Variants in PIBF1 observed in about 807,000 individuals in gnomAD.
The protein encoded by PIBF1 is progesterone immunomodulatory binding factor 1.
PIBF1 carries 90 observed loss-of-function variants against 112.5 expected under a neutral mutation model. That is an observed-to-expected ratio of 0.80 (90% CI 0.67 to 0.95). PIBF1 has a LOEUF of 0.95. PIBF1 is among the 40% of genes least tolerant of loss of function. The probability of loss-of-function intolerance (pLI) is 0.00; values close to 1 mark genes in which losing one functional copy is unlikely to be tolerated. For missense variants in PIBF1, 915 were observed against 852.3 expected, an observed-to-expected ratio of 1.07 and a Z score of -0.92; for synonymous variants, 301 against 288.6, an observed-to-expected ratio of 1.04 and a Z score of -0.44.
intron 10 of PIBF1, among the ~76,000 whole-genome samples, chr13:72,888,775 A>T (rs375185084): frequency 3.0e-5 from 3 of 100,732 alleles, no homozygotes; most frequent in African/African-American, 8.6e-5. Context: ...CCATTTGTTT[A>T]AAAAAAAAAA....
intron 14 of PIBF1, among the ~76,000 whole-genome samples, chr13:72,939,693 G>T (rs574050724): frequency 6.6e-6 from 1 of 152,004 alleles, no homozygotes; most frequent in African/African-American, 2.4e-5. Context: ...CTATGAACAC[G>T]CAAATACAAG....
intron 12 of PIBF1, among the ~76,000 whole-genome samples, chr13:72,912,537 A>G (rs1277598958): frequency 6.6e-6 from 1 of 152,234 alleles, no homozygotes; most frequent in Non-Finnish European, 1.5e-5. Context: ...AATGTTGGTG[A>G]GAAGTGGAGC....
chr13:72,875,957 T>TC (rs2039377906), intron 10 of PIBF1, among the ~76,000 whole-genome samples: 1 of 152,118 alleles, frequency 6.6e-6, no homozygotes, highest in South Asian at 2.1e-4. Flanking sequence ...TCCAGTTTAT[T>TC]CTTTTTTTCA....
intron 12 of PIBF1, among the ~76,000 whole-genome samples, chr13:72,909,652 C>G (rs911370839): frequency 6.6e-6 from 1 of 151,978 alleles, no homozygotes; most frequent in Non-Finnish European, 1.5e-5. Context: ...CGCCACCACA[C>G]CCAGCTCATT....
At chr13:72,991,799 A>G (rs901072330) in intron 16 of PIBF1, among the ~76,000 whole-genome samples, 2 of 151,076 alleles carry the variant, frequency 1.3e-5, no homozygotes, top group Non-Finnish European at 2.9e-5. Flanking sequence ...GCTCACTGCA[A>G]CCTCCACCTC....
At chr13:72,968,690 T>C (rs773634470) in intron 15 of PIBF1, among the ~76,000 whole-genome samples, 27 of 152,032 alleles carry the variant, frequency 1.8e-4, no homozygotes, top group Non-Finnish European at 3.8e-4. Flanking sequence ...TAATTTTATT[T>C]TTAATTTTAT....
chr13:73,006,670 T>G (rs1286652916), intron 17 of PIBF1, among the ~76,000 whole-genome samples: 1 of 152,194 alleles, frequency 6.6e-6, no homozygotes, highest in Non-Finnish European at 1.5e-5. Context: ...TTTTTTAGAT[T>G]ACAGGAGTAA....
rs116007596 is a variant in PIBF1 at position 72,950,834 on chromosome 13, C to G, written c.1834-14440C>G. Among the ~76,000 whole-genome samples, 1,221 of 152,246 alleles carry G rather than the reference C, an allele frequency of 8.0e-3. 14 individuals are homozygous for G. Among genetic ancestry groups the G allele is most frequent in the African/African-American group, 0.028 (1,148 of 41,538 alleles). ...GATTTTTTGTCAAGTGAAATATATA[C>G]TCATTTAGAACCTAACGGGTTATAT... On this transcript the variant is annotated intron_variant, in intron 14 of 17. Transcript: ENST00000326291.
At chr13:72,949,620 G>A (rs561213725) in intron 14 of PIBF1, among the ~76,000 whole-genome samples, 1 of 152,052 alleles carries the variant, frequency 6.6e-6, no homozygotes, top group African/African-American at 2.4e-5. Context: ...CCCAGCTAAC[G>A]AATAGCTTTC....
intron 12 of PIBF1, among the ~76,000 whole-genome samples, chr13:72,914,914 C>A (rs1418274403): frequency 2.0e-5 from 3 of 152,146 alleles, no homozygotes. Context: ...CCTCTTTCTT[C>A]CCTGAAACTT....
chr13:72,830,392 GTATGA>G (rs1254775911), intron 8 of PIBF1, among the ~76,000 whole-genome samples: 1 of 152,102 alleles, frequency 6.6e-6, no homozygotes, highest in Non-Finnish European at 1.5e-5. Flanking sequence ...TGCCTGTTTA[GTATGA>G]TATTGGCTGT....
chr13:72,855,477 C>T (rs1271133200), intron 10 of PIBF1, among the ~76,000 whole-genome samples: 2 of 151,916 alleles, frequency 1.3e-5, no homozygotes, highest in Admixed American at 1.3e-4. Flanking sequence ...GGTAAAACCC[C>T]GTCTCTACTA....
intron 16 of PIBF1, among the ~76,000 whole-genome samples, chr13:72,980,615 C>G (rs1399847220): frequency 6.7e-6 from 1 of 150,368 alleles, no homozygotes; most frequent in Non-Finnish European, 1.5e-5. Flanking sequence ...GCCAACATGG[C>G]GAAACCCCAT....
intron 15 of PIBF1, among the ~76,000 whole-genome samples, chr13:72,973,188 C>G (rs1181057944): frequency 6.6e-6 from 1 of 151,978 alleles, no homozygotes; most frequent in Non-Finnish European, 1.5e-5. Flanking sequence ...AGGAAGATTG[C>G]TTGAGCCCAG....
At chr13:72,888,261 TAAG>T (rs199506092) in intron 10 of PIBF1, among the ~76,000 whole-genome samples, 1,779 of 152,198 alleles carry the variant, frequency 0.012, 37 homozygotes, top group African/African-American at 0.04. Context: ...TTTAATAACA[TAAG>T]AAGATTTTTA....
intron 10 of PIBF1, among the ~76,000 whole-genome samples, chr13:72,868,064 CTGAGGCAGGAGGA>C (rs2047563817): frequency 6.6e-6 from 1 of 152,076 alleles, no homozygotes. Context: ...CTTTAGGAGG[CTGAGGCAGGAGGA>C]TTACTGGAGG....
At chr13:72,997,077 C>A (rs1368512853) in intron 16 of PIBF1, among the ~76,000 whole-genome samples, 2 of 152,182 alleles carry the variant, frequency 1.3e-5, no homozygotes, top group Non-Finnish European at 2.9e-5. Context: ...TTCTAATCTC[C>A]TGACCACTAA....
intron 16 of PIBF1, among the ~76,000 whole-genome samples, chr13:72,976,271 C>A (rs1303262514): frequency 6.7e-6 from 1 of 148,550 alleles, no homozygotes; most frequent in African/African-American, 2.5e-5. Flanking sequence ...GCAACCCTAT[C>A]TTTTAAAAAA....
Position 72,861,071 on chromosome 13 carries a change from G to A in PIBF1, c.1322+6916G>A, listed in dbSNP as rs140004773. 1.4e-3 allele frequency among the ~76,000 whole-genome samples: 210 copies of A among 152,222 alleles called. 1 individual carries two copies. The highest frequency in any genetic ancestry group is 3.4e-3 in the Middle Eastern group (1 of 294). The stretch of plus-strand genomic sequence containing the variant: ...AGAATACTATATTGGGATCTAAAAT[G>A]TAAGGTTGCAATTCAAAATTAATTT... On this transcript the variant is annotated intron_variant, in intron 10 of 17. Transcript: ENST00000326291.
Sources: allele counts gnomAD v4.1 joint callset (sites outside exome capture counted in the v4.1 genomes callset), GRCh38; gene constraint gnomAD v4.1.1; transcripts MANE v1.5; gene names NCBI Gene and HGNC (gene_info 2026-07-23, HGNC 2026-07-21).